Variants in WDR62 observed in about 807,000 individuals in gnomAD.
The protein encoded by WDR62 is WD repeat-containing protein 62.
Under a neutral mutation model 160.6 loss-of-function variants are expected in WDR62, and 112 were observed. That is an observed-to-expected ratio of 0.70 (90% CI 0.60 to 0.82). The LOEUF (loss-of-function observed/expected upper bound fraction) is 0.82. Ranked by LOEUF, WDR62 falls within the 40% of genes least tolerant of loss-of-function variation. The probability of loss-of-function intolerance (pLI) is 0.00; values close to 1 mark genes in which losing one functional copy is unlikely to be tolerated. For synonymous variants in WDR62, 792 were observed against 815.1 expected (o/e 0.97, Z 0.48); for missense variants, 1,819 against 1,983.8 (o/e 0.92, Z 1.58).
rs1398990162 is a variant in WDR62 at position 36,104,524 on chromosome 19, T to C, written c.4160T>C (p.Leu1387Pro). The C allele has an allele frequency of 1.9e-6, 3 of 1,613,812 alleles. No homozygotes were observed. The highest frequency in any genetic ancestry group is 1.6e-4 in the Middle Eastern group (1 of 6,062). Residue 1387 changes from leucine to proline, a missense_variant, in exon 31 of 32, where the codon CTT (leucine) becomes CCT (proline). Around this residue, in one of 3 missense-constraint regions of WDR62, gnomAD observed 770 missense variants for 734.2 expected, o/e 1.05. Coordinates refer to ENST00000401500, the MANE Select transcript of WDR62 (RefSeq NM_001083961.2). ...TCCCTTCTCTCTACCCCAGGTGCAC[T>C]TGGTCTGTTACAGGGCAGCCCTGCC... ...ASLLEPTSGA[L>P]GLLQGSPARW... is the part of the protein sequence containing the mutation.
At chr19:36,062,857 T>C (rs1354456900) in intron 3 of WDR62, among the ~76,000 whole-genome samples, 2 of 152,174 alleles carry the variant, frequency 1.3e-5, no homozygotes, top group Non-Finnish European at 2.9e-5. Flanking sequence ...GCCAAAGGAT[T>C]CTGTCTAGAA....
chr19:36,081,875 G>A, intron 10 of WDR62: 5 of 527,586 alleles, frequency 9.5e-6, no homozygotes, highest in Non-Finnish European at 1.5e-5. Context: ...TGCTTCCTAA[G>A]TCTTGAGATG....
intron 7 of WDR62, among the ~76,000 whole-genome samples, chr19:36,068,610 C>T (rs1199178651): frequency 6.6e-6 from 1 of 152,188 alleles, no homozygotes; most frequent in Admixed American, 6.5e-5. Context: ...ACATCTTGCA[C>T]CGCCCTTAAT....
At chr19:36,072,547 G>A (rs1205458587) in intron 8 of WDR62, among the ~76,000 whole-genome samples, 1 of 152,124 alleles carries the variant, frequency 6.6e-6, no homozygotes, top group African/African-American at 2.4e-5. Flanking sequence ...CTCCTTTGTT[G>A]CAAGTCTGTT....
chr19:36,069,077 A>G (rs1477248616), intron 7 of WDR62, among the ~76,000 whole-genome samples: 1 of 127,526 alleles, frequency 7.8e-6, no homozygotes, highest in Non-Finnish European at 1.7e-5. Context: ...GGCGGGGGCT[A>G]ACCCCCCACC....
At chr19:36,073,970 T>C (rs1031471952) in intron 9 of WDR62, 1 of 339,916 alleles carries the variant, frequency 2.9e-6, no homozygotes, top group Non-Finnish European at 5.8e-6. Flanking sequence ...AGCTTTGCTG[T>C]GGAGGTCGTT....
At chr19:36,077,182 C>A (rs1294727653) in intron 9 of WDR62, among the ~76,000 whole-genome samples, 1 of 152,118 alleles carries the variant, frequency 6.6e-6, no homozygotes, top group African/African-American at 2.4e-5. Context: ...CCACTCCCCC[C>A]ATCCATGGAA....
chr19:36,060,306 G>A, intron 3 of WDR62: 1 of 495,918 alleles, frequency 2.0e-6, no homozygotes, highest in East Asian at 3.4e-5. Flanking sequence ...GGAAATGATG[G>A]AGGATGTCTT....
At chr19:36,071,876 C>A (rs1971319744) in intron 8 of WDR62, among the ~76,000 whole-genome samples, 160 bp downstream of exon 8, 1 of 152,222 alleles carries the variant, frequency 6.6e-6, no homozygotes, top group Non-Finnish European at 1.5e-5. Context: ...TCCTTGCCTT[C>A]CGAGGCAAGC....
chr19:36,058,890 C>A lies in WDR62; in HGVS notation c.269+19C>A, dbSNP rs140267028. On this transcript the variant is annotated intron_variant, in intron 2 of 31. Transcript: ENST00000401500. ...TGGCAGGGTAAGCAGATAAGGGCCT[C>A]GACGTCTAATCATTGCTAGGGAATT... is the stretch of plus-strand genomic sequence containing the variant. 2 of 1,597,134 alleles carry A rather than the reference C, an allele frequency of 1.3e-6. No homozygotes were observed. The highest frequency in any genetic ancestry group is 2.2e-5 in the South Asian group (2 of 90,532).
At chr19:36,097,885 AAAAAAT>A (rs1347421299) in intron 21 of WDR62, among the ~76,000 whole-genome samples, 3 of 149,154 alleles carry the variant, frequency 2.0e-5, no homozygotes, top group Non-Finnish European at 3.0e-5. Flanking sequence ...TGTCTCATAA[AAAAAAT>A]AAAAATAAAA....
chr19:36,072,285 C>A (rs1173420010), intron 8 of WDR62, among the ~76,000 whole-genome samples: 1 of 152,076 alleles, frequency 6.6e-6, no homozygotes, highest in Non-Finnish European at 1.5e-5. Flanking sequence ...AGAGCTGGGT[C>A]CCAGCAGTTG....
rs144440621 is a variant in WDR62 at position 36,103,765 on chromosome 19, G to A, written c.3937G>A (p.Val1313Met). The change falls in exon 30 of 32, where the codon GTG becomes ATG. Residue 1313 changes from valine to methionine, a missense_variant. Val to Met is a conservative substitution (Grantham distance 21). Transcript: ENST00000401500. ...CTGTGATGGGCTCCTGCAGCCCCCCGTGGATACCCAGCCTGGCGTCACCGT... is the reference window on the plus strand; with the variant it reads ...CTGTGATGGGCTCCTGCAGCCCCCCATGGATACCCAGCCTGGCGTCACCGT... Reference protein sequence around the residue: ...SACDGLLQPPVDTQPGVTVPA... With the variant: ...SACDGLLQPPMDTQPGVTVPA... The A allele has an allele frequency of 8.8e-5, 142 of 1,610,696 alleles. No homozygotes were observed. Among genetic ancestry groups the A allele is most frequent in the Middle Eastern group, 3.3e-4 (2 of 6,058 alleles).
Position 36,102,849 on chromosome 19 carries a change from C to T in WDR62, c.3333C>T (p.Ser1111=). Residue 1111 remains serine, a splice_region_variant and synonymous_variant, in exon 27 of 32, where the codon TCC becomes TCT. Transcript: ENST00000401500. The part of the protein sequence containing the change: ...TQFLSSLQKA[S]RFTHTFPPRA... Reference sequence around the variant, plus strand: ...TCCTCTCAAGCCTCCAGAAGGCATCCAGGTAGAAGCTGGCCAAGCACTGCC... The same window carrying T: ...TCCTCTCAAGCCTCCAGAAGGCATCTAGGTAGAAGCTGGCCAAGCACTGCC... The T allele has an allele frequency of 6.2e-7, 1 of 1,614,220 alleles. No homozygotes were observed. The highest frequency in any genetic ancestry group is 8.5e-7 in the Non-Finnish European group (1 of 1,180,030).
At chr19:36,069,449 C>T (rs1008964561) in intron 7 of WDR62, among the ~76,000 whole-genome samples, 10 of 151,888 alleles carry the variant, frequency 6.6e-5, no homozygotes, top group Middle Eastern at 6.8e-3. Context: ...CGGGCAGAGA[C>T]GCTCCTCACT....
intron 15 of WDR62, 103 bp from the exon 16 acceptor site, chr19:36,090,342 G>T: frequency 9.5e-7 from 1 of 1,054,138 alleles, no homozygotes; most frequent in South Asian, 1.3e-5. Flanking sequence ...GGGACAAGAG[G>T]TAGCAGGGGG....
chr19:36,092,754 T>A lies in WDR62; in HGVS notation c.2276T>A (p.Ile759Asn). 6.2e-7 allele frequency: 1 copy of A among 1,614,052 alleles called. No homozygotes were observed. Residue 759 changes from isoleucine to asparagine, a missense_variant, in exon 19 of 32, where the codon ATT (isoleucine) becomes AAT (asparagine). Ile to Asn is a moderately radical substitution (Grantham distance 149). This residue lies in a region of WDR62 where 934 missense variants were observed against 1,157.2 expected (regional missense o/e 0.81). Coordinates refer to ENST00000401500, the MANE Select transcript of WDR62 (RefSeq NM_001083961.2). The part of the protein sequence containing the change: ...TNCMKQHLLE[I>N]DHRQQQQHTN... Reference sequence around the variant, plus strand: ...TGCATGAAGCAGCACTTGCTGGAGATTGACCACCGGCAGCAGCAGCAGCAC... The same window carrying A: ...TGCATGAAGCAGCACTTGCTGGAGAATGACCACCGGCAGCAGCAGCAGCAC...
rs1973366805 is a variant in WDR62, at chr19:36,101,877, G to A, written c.3082+103G>A. ...CCTGCACTTGGAGCCCACTGAGCCT[G>A]GAAGACGGGGATCCCTGCTTCTCAG... is the stretch of plus-strand genomic sequence containing the variant. On this transcript the variant is annotated intron_variant, in intron 25 of 31. Coordinates refer to ENST00000401500, the MANE Select transcript of WDR62 (RefSeq NM_001083961.2). The A allele has an allele frequency of 2.0e-6, 3 of 1,528,686 alleles. No homozygotes were observed. The African/African-American group carries it at 4.1e-5, about 21-fold the overall frequency. 94.7% of individuals were successfully genotyped at this position (1,528,686 alleles called of 1,614,324 possible). A position where few individuals can be genotyped will look rare whatever the true frequency, so the allele number is the denominator to read the frequency against.
In WDR62 at chr19:36,091,320, G is replaced by A. The variant is rs1228108170; in HGVS notation, c.2146+9G>A. ...GATGTTTGGCCATTCAGGTGGGTGT[G>A]CCTCTCTGCTTGGGATGCCTCCCCA... On this transcript the variant is annotated intron_variant, in intron 17 of 31. Coordinates refer to ENST00000401500, the MANE Select transcript of WDR62 (RefSeq NM_001083961.2). 3.1e-6 allele frequency: 5 copies of A among 1,613,762 alleles called. No homozygotes were observed. The highest frequency in any genetic ancestry group is 4.2e-6 in the Non-Finnish European group (5 of 1,179,736).
Sources: gnomAD v4.1 joint callset for allele counts (sites outside exome capture counted in the v4.1 genomes callset) on GRCh38, gnomAD v4.1.1 for gene constraint, gnomAD v4.1.1 regional missense constraint, MANE v1.5 for transcripts, NCBI Gene and HGNC (gene_info 2026-07-23, HGNC 2026-07-21) for gene names.